The following PKP3 variants were observed in gnomAD, a reference collection of about 807,000 sequenced individuals.
PKP3 encodes the protein plakophilin-3.
Under a neutral mutation model 76.5 loss-of-function variants are expected in PKP3, and 66 were observed. The ratio of observed to expected loss-of-function variants is 0.86; its 90% CI spans 0.71 to 1.06. The LOEUF (loss-of-function observed/expected upper bound fraction) is 1.06, where lower values mean the gene tolerates loss of function less well. PKP3 is among the 50% of genes least tolerant of loss of function. The pLI is 0.00. For synonymous variants in PKP3, 638 were observed against 516.5 expected (o/e 1.24, Z -3.19); for missense variants, 1,338 against 1,141.0 (o/e 1.17, Z -2.49).
At chr11:393,045 G>A (rs1419760291), upstream of PKP3, among the ~76,000 whole-genome samples, 3 of 152,030 alleles carry the variant, frequency 2.0e-5, no homozygotes, top group Non-Finnish European at 2.9e-5. Context: ...GCTCGTGAGA[G>A]AAGCCCAGAG....
Position 403,677 on chromosome 11 carries a change from A to G in PKP3, c.1983A>G (p.Leu661=), listed in dbSNP as rs1847197768. ...LEQERILNPL[L]DRVRTADHHQ... is the part of the protein sequence containing the mutation. ...AGGAGCGTATTCTGAACCCCCTGCT[A>G]GACCGTGTCAGGACCGCCGACCACC... Residue 661 remains leucine, a synonymous_variant, in exon 10 of 13, where the codon CTA becomes CTG. Transcript: ENST00000331563. 6.2e-7 allele frequency: 1 copy of G among 1,610,270 alleles called. No individual in the cohort carries two copies. The highest frequency in any genetic ancestry group is 8.5e-7 in the Non-Finnish European group (1 of 1,179,788).
chr11:404,399 GC>G lies in PKP3; in HGVS notation c.2358+79del. On this transcript the variant is annotated intron_variant, in intron 12 of 12. Coordinates refer to ENST00000331563, the MANE Select transcript of PKP3 (RefSeq NM_007183.4). This position sits in a 1 kb window ranked among gnomAD's most constrained non-coding sequence, Gnocchi z 4.2. ...ACGCCGGGGGAGGGTCAGTGAAGAG[GC>G]CCATGGGAGGATGGAGACCAGGGAC... is the stretch of plus-strand genomic sequence containing the variant. 1 of 1,472,598 alleles carries G rather than the reference GC, an allele frequency of 6.8e-7. No individual in the cohort carries two copies. Among genetic ancestry groups the G allele is most frequent in the South Asian group, 1.1e-5 (1 of 88,280 alleles). 91.2% of individuals were successfully genotyped at this position (1,472,598 alleles called of 1,614,324 possible). A position where few individuals can be genotyped will look rare whatever the true frequency, so the allele number is the denominator to read the frequency against.
Position 403,774 on chromosome 11 carries a change from G to A in PKP3, c.2077+3G>A. Reference sequence around the variant, plus strand: ...CGCTAGGAACAAGGACGAGATGTGTGAGTCGGGCAGCCCCTCGTCCCTGCC... The same window carrying A: ...CGCTAGGAACAAGGACGAGATGTGTAAGTCGGGCAGCCCCTCGTCCCTGCC... On this transcript the variant is annotated splice_donor_region_variant and intron_variant, in intron 10 of 12. Coordinates refer to ENST00000331563, the MANE Select transcript of PKP3 (RefSeq NM_007183.4). 6.2e-7 allele frequency: 1 copy of A among 1,605,138 alleles called. No homozygotes were observed. Among genetic ancestry groups the A allele is most frequent in the Non-Finnish European group, 8.5e-7 (1 of 1,179,812 alleles).
In PKP3 at chr11:396,671, G is replaced by C. The variant is rs776606411; in HGVS notation, c.296G>C (p.Ser99Thr). Reference protein sequence around the residue: ...AGFSSRSQGLSGDKTSGFRPI... With the variant: ...AGFSSRSQGLTGDKTSGFRPI... ...TTCAGCTCTCGCTCTCAGGGCCTGA[G>C]TGGGGACAAGACCTCGGTGAGCGAT... The change falls in exon 2 of 13, where the codon AGT becomes ACT. Residue 99 changes from serine (S) to threonine (T), a missense_variant. Transcript: ENST00000331563. 6.2e-7 allele frequency: 1 copy of C among 1,611,192 alleles called. No individual in the cohort carries two copies. The highest frequency in any genetic ancestry group is 8.5e-7 in the Non-Finnish European group (1 of 1,179,152).
Position 400,033 on chromosome 11 carries a change from A to G in PKP3, c.1340A>G (p.Gln447Arg). ...KDRLARDTLEQLTDLVLSPLS... is the reference protein window; with the variant it reads ...KDRLARDTLERLTDLVLSPLS... ...CGCCTGGCCAGAGACACGCTGGAGC[A>G]GCTCACAGACCTGGTGTTGAGCCCC... The change falls in exon 6 of 13, where the codon CAG becomes CGG. Residue 447 changes from glutamine (Q) to arginine (R), a missense_variant. Transcript: ENST00000331563. The G allele has an allele frequency of 6.2e-7, 1 of 1,608,378 alleles. No homozygotes were observed. Among genetic ancestry groups the G allele is most frequent in the Non-Finnish European group, 8.5e-7 (1 of 1,178,720 alleles).
chr11:393,070 TCAGCTCCCACCCC>T (rs1340612905), upstream of PKP3, among the ~76,000 whole-genome samples: 1 of 151,702 alleles, frequency 6.6e-6, no homozygotes, highest in Non-Finnish European at 1.5e-5. Context: ...TCATAGATGT[TCAGCTCCCACCCC>T]CAGCCCTCCT....
upstream of PKP3, chr11:393,461 G>A (rs539272689): frequency 2.0e-5 from 3 of 152,202 alleles, no homozygotes; most frequent in African/African-American, 7.2e-5. Context: ...TGGGGTGCAG[G>A]AGCAGTGGTG....
Position 400,487 on chromosome 11 carries a change from C to G in PKP3, c.1566+36C>G, listed in dbSNP as rs779419059. The G allele has an allele frequency of 9.9e-6, 15 of 1,508,894 alleles. No homozygotes were observed. In the South Asian group the frequency reaches 1.2e-4, roughly 13 times the overall value. The allele number at this position is 1,508,894 out of a possible 1,614,324, so 93.5% of individuals were successfully genotyped here. A position where few individuals can be genotyped will look rare whatever the true frequency, so the allele number is the denominator to read the frequency against. On this transcript the variant is annotated intron_variant, in intron 7 of 12. Transcript: ENST00000331563. ...CGGTGTGGAGGAGGGGCCGTGCCCC[C>G]GGGCCGCCGCTCTGACCCGCGCCCC...
At chr11:395,616 C>T (rs1355821408) in intron 1 of PKP3, among the ~76,000 whole-genome samples, 1 of 152,180 alleles carries the variant, frequency 6.6e-6, no homozygotes, top group East Asian at 1.9e-4. Flanking sequence ...CCGGGCTGGG[C>T]CTCACGAGCG....
At chr11:392,695 G>C, upstream of PKP3, 1 of 1,286,622 alleles carries the variant, frequency 7.8e-7, no homozygotes, top group African/African-American at 1.5e-5. Context: ...GGCGGGATCC[G>C]GACCACGAGC....
chr11:403,891 G>A, intron 10 of PKP3, 52 bp from the exon 11 acceptor site: 1 of 1,565,162 alleles, frequency 6.4e-7, no homozygotes, highest in South Asian at 1.2e-5. Flanking sequence ...GGGACCCCAG[G>A]TGCCCAGGTG....
rs753190811 is a variant in PKP3 at position 403,938 on chromosome 11, C to T, written c.2078-5C>T. 92 of 1,591,898 alleles carry T rather than the reference C, an allele frequency of 5.8e-5. No homozygotes were observed. The highest frequency in any genetic ancestry group is 6.7e-5 in the African/African-American group (5 of 74,566). On this transcript the variant is annotated splice_polypyrimidine_tract_variant and splice_region_variant and intron_variant, in intron 10 of 12. Coordinates refer to ENST00000331563, the MANE Select transcript of PKP3 (RefSeq NM_007183.4). ...GGGTGCAGACTGACCCCCGGCCTCC[C>T]ACAGCCACGAAGGTGGTGAGCCACC...
chr11:403,755 G>A lies in PKP3; in HGVS notation c.2061G>A (p.Arg687=). The part of the protein sequence containing the change: ...GLIRNLSRNA[R]NKDEMSTKVV... ...TCCGAAACCTGTCTCGGAACGCTAG[G>A]AACAAGGACGAGATGTGTGAGTCGG... Residue 687 remains arginine, a synonymous_variant, in exon 10 of 13, where the codon AGG becomes AGA. Coordinates refer to ENST00000331563, the MANE Select transcript of PKP3 (RefSeq NM_007183.4). 6.2e-7 allele frequency: 1 copy of A among 1,607,370 alleles called. No homozygotes were observed.
rs767609545 is a variant in PKP3, at chr11:397,202, C to T, written c.701C>T (p.Ala234Val). The change falls in exon 3 of 13, where the codon GCC becomes GTC. Residue 234 changes from alanine to valine, a missense_variant. Physicochemically the swap from Ala to Val is moderately conservative, Grantham distance 64 (BLOSUM62 0). Transcript: ENST00000331563. ...GCAGGGGGGCTGGACTGGCCCGAGG[C>T]CACTGAGGTTTCCCCGAGCCGGACC... ...SRAGGLDWPE[A>V]TEVSPSRTIR... 1.9e-6 allele frequency: 3 copies of T among 1,598,626 alleles called. No homozygotes were observed. The highest frequency in any genetic ancestry group is 2.7e-5 in the African/African-American group (2 of 74,874).
rs1847139738 is a variant in PKP3 at position 400,661 on chromosome 11, G to C, written c.1693G>C (p.Glu565Gln). The change falls in exon 8 of 13, where the codon GAG becomes CAG. Residue 565 changes from glutamate to glutamine, a missense_variant. By Grantham distance (29) the Glu-to-Gln change is conservative. Transcript: ENST00000331563. Reference protein sequence around the residue: ...RRDLAGAPPGEVVGCFTPQSR... With the variant: ...RRDLAGAPPGQVVGCFTPQSR... ...GGACCTGGCGGGGGCGCCGCCGGGA[G>C]AGGTCGTGGGCTGCTTCACGCCGCA... 7.4e-7 allele frequency: 1 copy of C among 1,355,440 alleles called. No individual in the cohort carries two copies. Among genetic ancestry groups the C allele is most frequent in the East Asian group, 3.1e-5 (1 of 32,384 alleles). The allele number at this position is 1,355,440 out of a possible 1,614,324, so 84.0% of individuals were successfully genotyped here. A position where few individuals can be genotyped will look rare whatever the true frequency, so the allele number is the denominator to read the frequency against.
chr11:395,905 C>T (rs997789437), intron 1 of PKP3, among the ~76,000 whole-genome samples: 1 of 152,178 alleles, frequency 6.6e-6, no homozygotes, highest in Non-Finnish European at 1.5e-5. Context: ...GACGGCTGTC[C>T]CACCCCTCCA....
At chr11:403,399 C>T (rs377188230) in intron 9 of PKP3, 136 bp downstream of exon 9, 5 of 872,496 alleles carry the variant, frequency 5.7e-6, no homozygotes, top group African/African-American at 5.1e-5. Context: ...GTCCCGGTGG[C>T]GCAGGCCTTG....
In PKP3 at chr11:404,552, G is replaced by A. The variant is rs144613158; in HGVS notation, c.2377G>A (p.Asp793Asn). Residue 793 changes from aspartate to asparagine, a missense_variant, in exon 13 of 13, where the codon GAC becomes AAC. Transcript: ENST00000331563. The surrounding 1 kb of genome is among the most constrained non-coding windows in gnomAD (Gnocchi z 4.2). ...ACTGTAGAAGGGCTATCGGAAGGAG[G>A]ACTTCCTGGGCCCATAGGTGAAGCC... ...DFRAKGYRKE[D>N]FLGP 1.4e-5 allele frequency: 23 copies of A among 1,612,504 alleles called. No homozygotes were observed. The highest frequency in any genetic ancestry group is 6.6e-5 in the South Asian group (6 of 91,086).
At chr11:399,510 C>T (rs1417362919) in intron 5 of PKP3, among the ~76,000 whole-genome samples, 1 of 18,906 alleles carries the variant, frequency 5.3e-5, no homozygotes, top group Non-Finnish European at 1.1e-4. Flanking sequence ...CTCTGCCTAT[C>T]CCCCACCTGT....
Sources: gnomAD v4.1 joint callset for allele counts (sites outside exome capture counted in the v4.1 genomes callset) on GRCh38, gnomAD v4.1.1 for gene constraint, Gnocchi (gnomAD v3.1) non-coding constraint, MANE v1.5 for transcripts, NCBI Gene and HGNC (gene_info 2026-07-23, HGNC 2026-07-21) for gene names.